SUPV3L1: variants seen among roughly 807,000 people sequenced by gnomAD.
SUPV3L1 encodes Suv3 like RNA helicase.
In SUPV3L1, 35 loss-of-function variants were observed where a neutral mutation model predicts 70.0. The observed-to-expected ratio is 0.50, with a 90% CI of 0.38 to 0.66. The LOEUF is 0.66. Ranked by LOEUF, SUPV3L1 falls within the 30% of genes least tolerant of loss-of-function variation. The probability of loss-of-function intolerance (pLI) is 0.00; values close to 1 mark genes in which losing one functional copy is unlikely to be tolerated. For synonymous variants in SUPV3L1, 364 were observed against 341.9 expected (o/e 1.06, Z -0.71); for missense variants, 777 against 961.5 (o/e 0.81, Z 2.54).
At chr10:69,201,561 G>A (rs1383768877) in intron 11 of SUPV3L1, among the ~76,000 whole-genome samples, 1 of 142,622 alleles carries the variant, frequency 7.0e-6, no homozygotes, top group Admixed American at 7.1e-5. Flanking sequence ...TTGAGATAGT[G>A]TTTCACTCTG....
intron 3 of SUPV3L1, among the ~76,000 whole-genome samples, chr10:69,187,125 C>A (rs1002838518): frequency 6.6e-6 from 1 of 152,126 alleles, no homozygotes; most frequent in African/African-American, 2.4e-5. Context: ...TTTGCGCCTT[C>A]ATCTCTGTAA....
chr10:69,180,387 T>G lies in SUPV3L1; in HGVS notation c.96T>G (p.Phe32Leu), dbSNP rs770762079. ...TCTGCTCTGCCCTTCGTCCCCACTT[T>G]GGGCCCTTTCCCGGGGTTCTGGGGC... ...AAICSALRPH[F>L]GPFPGVLGQV... is the part of the protein sequence containing the mutation. The change falls in exon 1 of 15, where the codon TTT becomes TTG. Residue 32 changes from phenylalanine to leucine, a missense_variant. By Grantham distance (22) the Phe-to-Leu change is conservative. Coordinates refer to ENST00000359655, the MANE Select transcript of SUPV3L1 (RefSeq NM_003171.5). The G allele has an allele frequency of 1.9e-6, 3 of 1,614,248 alleles. No homozygotes were observed. In the South Asian group the frequency reaches 3.3e-5, roughly 18 times the overall value.
In SUPV3L1 at chr10:69,209,046, C is replaced by CTT; in HGVS notation, c.*12_*13insTT. The CTT allele has an allele frequency of 1.3e-6, 2 of 1,490,112 alleles. No individual in the cohort carries two copies. Among genetic ancestry groups the CTT allele is most frequent in the Non-Finnish European group, 1.8e-6 (2 of 1,116,886 alleles). The allele number at this position is 1,490,112 out of a possible 1,614,324, so 92.3% of individuals were successfully genotyped here. ...CCTGATTCGGACTAGTTTTCTGTTC[C>CTT]TGTTTTTTTTTTTTTATTTAATTTT... On this transcript the variant is annotated 3_prime_UTR_variant, in exon 15 of 15. Coordinates refer to ENST00000359655, the MANE Select transcript of SUPV3L1 (RefSeq NM_003171.5).
chr10:69,184,574 G>A (rs1249265223), intron 1 of SUPV3L1, among the ~76,000 whole-genome samples: 1 of 150,328 alleles, frequency 6.7e-6, no homozygotes, highest in East Asian at 2.0e-4. Context: ...CCGGCACAAA[G>A]TAACAGAGAC....
chr10:69,204,696 T>G (rs1842777196), intron 13 of SUPV3L1, among the ~76,000 whole-genome samples: 1 of 152,230 alleles, frequency 6.6e-6, no homozygotes, highest in Non-Finnish European at 1.5e-5. Context: ...GCAGACTGTT[T>G]TTCATTGCGT....
intron 13 of SUPV3L1, among the ~76,000 whole-genome samples, chr10:69,204,217 G>A (rs2132305288): frequency 6.6e-6 from 1 of 152,250 alleles, no homozygotes; most frequent in Non-Finnish European, 1.5e-5. Context: ...GTTCAGAACT[G>A]TATGTACCTT....
intron 5 of SUPV3L1, among the ~76,000 whole-genome samples, chr10:69,189,733 G>C (rs1425485411): frequency 1.4e-5 from 2 of 144,098 alleles, no homozygotes; most frequent in Non-Finnish European, 3.0e-5. Flanking sequence ...TGCAAGCTCC[G>C]CCTCTCGGGT....
chr10:69,207,849 C>A lies in SUPV3L1; in HGVS notation c.1833C>A (p.Tyr611Ter). ...TGACCTTTGCATGGTTACGCCGATACATCAAATGGCCTTTACTTCCACCTA... is the reference window on the plus strand; with the variant it reads ...TGACCTTTGCATGGTTACGCCGATAAATCAAATGGCCTTTACTTCCACCTA... The part of the protein sequence containing the change: ...EPLTFAWLRR[Y>*]IKWPLLPPKN... The change falls in exon 14 of 15, where the codon TAC becomes TAA. Residue 611 changes from tyrosine to a stop codon, truncating the protein, a stop_gained. Coordinates refer to ENST00000359655, the MANE Select transcript of SUPV3L1 (RefSeq NM_003171.5). LOFTEE classifies it high-confidence loss of function. 6.2e-7 allele frequency: 1 copy of A among 1,614,154 alleles called. No individual in the cohort carries two copies. Among genetic ancestry groups the A allele is most frequent in the Non-Finnish European group, 8.5e-7 (1 of 1,180,028 alleles).
intron 3 of SUPV3L1, chr10:69,187,399 G>A (rs1251386297): frequency 1.3e-5 from 2 of 151,182 alleles, no homozygotes; most frequent in Non-Finnish European, 2.4e-5. Flanking sequence ...CCCAGGCTCT[G>A]GAGTGCAGTG....
chr10:69,185,910 T>C (rs1842213693), intron 1 of SUPV3L1, 77 bp from the exon 2 acceptor site: 3 of 1,077,616 alleles, frequency 2.8e-6, no homozygotes, highest in South Asian at 2.6e-5. Flanking sequence ...TTAGTGTTAT[T>C]GCTTCAAGTT....
intron 10 of SUPV3L1, among the ~76,000 whole-genome samples, 182 bp downstream of exon 10, chr10:69,199,379 A>G (rs541339101): frequency 6.6e-6 from 1 of 152,280 alleles, no homozygotes; most frequent in African/African-American, 2.4e-5. Flanking sequence ...AAAATATTAA[A>G]TAGTGCCAGG....
At chr10:69,197,392 A>G (rs1842569912) in intron 8 of SUPV3L1, among the ~76,000 whole-genome samples, 1 of 152,176 alleles carries the variant, frequency 6.6e-6, no homozygotes, top group Non-Finnish European at 1.5e-5. Flanking sequence ...TTGGAGACCC[A>G]GCAAGTTTGT....
At chr10:69,197,367 C>T (rs1051688953) in intron 8 of SUPV3L1, among the ~76,000 whole-genome samples, 3 of 151,652 alleles carry the variant, frequency 2.0e-5, no homozygotes, top group African/African-American at 7.3e-5. Flanking sequence ...TTAAATAAAT[C>T]AGTACTCTTA....
chr10:69,184,080 G>A (rs557823995), intron 1 of SUPV3L1, among the ~76,000 whole-genome samples: 7 of 152,140 alleles, frequency 4.6e-5, no homozygotes, highest in South Asian at 2.1e-4. Context: ...ATATAACACC[G>A]TAGTATTAGT....
intron 11 of SUPV3L1, 22 bp downstream of exon 11, chr10:69,200,521 A>G: frequency 3.8e-6 from 6 of 1,579,480 alleles, no homozygotes; most frequent in Non-Finnish European, 5.2e-6. Flanking sequence ...CATGTTAACT[A>G]CTGCTTCTCT....
In SUPV3L1 at chr10:69,207,932, T is replaced by C. The variant is rs1433583023; in HGVS notation, c.1916T>C (p.Leu639Ser). The change falls in exon 14 of 15, where the codon TTG (leucine) becomes TCG (serine). Residue 639 changes from leucine to serine, a missense_variant. Transcript: ENST00000359655. ...GTCCACGATGTCTTGGATCTTTACT[T>C]GTGGCTAAGGTACCAACATTTTTCC... ...EAVHDVLDLY[L>S]WLSYRFMDMF... 6.2e-7 allele frequency: 1 copy of C among 1,613,874 alleles called. No homozygotes were observed. The highest frequency in any genetic ancestry group is 8.5e-7 in the Non-Finnish European group (1 of 1,179,928).
In SUPV3L1 at chr10:69,201,966, G is replaced by A. The variant is rs140305983; in HGVS notation, c.1519-473G>A. On this transcript the variant is annotated intron_variant, in intron 11 of 14. Transcript: ENST00000359655. ...AGTGATTCTCATGCCTCAGCCTCCCGAGTAGCTGGGATTACAGGCACGCAG... is the reference window on the plus strand; with the variant it reads ...AGTGATTCTCATGCCTCAGCCTCCCAAGTAGCTGGGATTACAGGCACGCAG... Among the ~76,000 whole-genome samples, 814 of 151,524 alleles carry A rather than the reference G, an allele frequency of 5.4e-3. 9 individuals are homozygous for A. The highest frequency in any genetic ancestry group is 0.019 in the African/African-American group (786 of 41,314).
At chr10:69,193,920 C>T (rs928614096) in intron 6 of SUPV3L1, among the ~76,000 whole-genome samples, 6 of 151,932 alleles carry the variant, frequency 3.9e-5, no homozygotes, top group Non-Finnish European at 8.8e-5. Flanking sequence ...TACTTTTTGC[C>T]ATAGCGATGG....
In SUPV3L1 at chr10:69,186,001, G is replaced by T. The variant is rs767396606; in HGVS notation, c.286G>T (p.Val96Phe). 1 of 1,613,256 alleles carries T rather than the reference G, an allele frequency of 6.2e-7. No individual in the cohort carries two copies. The highest frequency in any genetic ancestry group is 8.5e-7 in the Non-Finnish European group (1 of 1,179,454). Reference protein sequence around the residue: ...RPLDKNEVKKVLDKFYKRKEI... With the variant: ...RPLDKNEVKKFLDKFYKRKEI... Reference sequence around the variant, plus strand: ...CTCTCTTCTAGATGAAGTAAAGAAGGTCTTAGACAAATTTTACAAGAGGAA... The same window carrying T: ...CTCTCTTCTAGATGAAGTAAAGAAGTTCTTAGACAAATTTTACAAGAGGAA... The change falls in exon 2 of 15, where the codon GTC becomes TTC. Residue 96 changes from valine to phenylalanine, a missense_variant. Physicochemically the swap from Val to Phe is conservative, Grantham distance 50. Coordinates refer to ENST00000359655, the MANE Select transcript of SUPV3L1 (RefSeq NM_003171.5).
Sources: allele counts gnomAD v4.1 joint callset (sites outside exome capture counted in the v4.1 genomes callset), GRCh38; gene constraint gnomAD v4.1.1; transcripts MANE v1.5; gene names NCBI Gene and HGNC (gene_info 2026-07-23, HGNC 2026-07-21).